NHSL2: variants seen among roughly 807,000 people sequenced by gnomAD.
NHSL2 encodes the protein NHS like 2, also known as NHS-like protein 2.
In NHSL2, 27 loss-of-function variants were observed where a neutral mutation model predicts 53.4. The ratio of observed to expected loss-of-function variants is 0.51; its 90% confidence interval spans 0.37 to 0.70. NHSL2 has a LOEUF of 0.70. Among genes scored for constraint, NHSL2 ranks in the 30% least tolerant of loss-of-function variants. NHSL2 has a pLI of 0.00. For missense variants in NHSL2, 892 were observed against 980.1 expected, an observed-to-expected ratio of 0.91 and a Z score of 1.20; for synonymous variants, 408 against 404.1, an observed-to-expected ratio of 1.01 and a Z score of -0.12.
intron 1 of NHSL2, among the ~76,000 whole-genome samples, chrX:72,058,534 G>C (rs766049779): frequency 9.0e-6 from 1 of 111,549 alleles, no homozygotes; most frequent in Non-Finnish European, 1.9e-5. Context: ...TCATAGAGAC[G>C]GGGTTTCCCC....
chrX:72,138,985 T>C lies in NHSL2; in HGVS notation c.1437T>C (p.Ser479=), dbSNP rs772623636. The change falls in exon 6 of 8, where the codon AGT becomes AGC. Residue 479 remains serine (S), a synonymous_variant. Coordinates refer to ENST00000633930, the MANE Select transcript of NHSL2 (RefSeq NM_001013627.3). ...CCTCCAAGATTGGCCTTCTGACCAG[T>C]GGGACCTCGAGGCTGGAGACAGGCC... The part of the protein sequence containing the change: ...ERPSKIGLLT[S]GTSRLETGPG... The C allele has an allele frequency of 3.4e-6, 4 of 1,193,003 alleles. No individual in the cohort carries two copies. In the East Asian group the frequency reaches 1.2e-4, roughly 36 times the overall value.
At chrX:72,141,635 T>C (rs145675182) in intron 6 of NHSL2, among the ~76,000 whole-genome samples, 3,129 of 112,224 alleles carry the variant, frequency 0.028, 118 homozygotes, top group African/African-American at 0.097. Flanking sequence ...AGTGGAATCA[T>C]ACAGTATTTG....
intron 1 of NHSL2, among the ~76,000 whole-genome samples, chrX:71,921,961 G>C (rs988329793): frequency 8.0e-5 from 9 of 111,936 alleles, no homozygotes; most frequent in African/African-American, 1.3e-4. Flanking sequence ...TTTTGTATTT[G>C]TATCCACAAA....
intron 1 of NHSL2, among the ~76,000 whole-genome samples, chrX:72,124,268 CG>C (rs1556367687): frequency 9.0e-6 from 1 of 110,825 alleles, no homozygotes. Flanking sequence ...CCTGGTTTCT[CG>C]GGGGCAGAAT....
chrX:71,941,560 GTAAGTGTACCTGCCTCAT>G (rs1168877428), intron 1 of NHSL2, among the ~76,000 whole-genome samples: 1 of 111,957 alleles, frequency 8.9e-6, no homozygotes, highest in Non-Finnish European at 1.9e-5. Flanking sequence ...AATGGGTTCA[GTAAGTGTACCTGCCTCAT>G]TAAGGTATTT....
chrX:72,024,101 C>T (rs1289981267), intron 1 of NHSL2, among the ~76,000 whole-genome samples: 1 of 111,849 alleles, frequency 8.9e-6, no homozygotes. Context: ...GCCACATCTG[C>T]ACAGTAAAGA....
intron 1 of NHSL2, among the ~76,000 whole-genome samples, chrX:72,043,351 TTATTAA>T (rs2042286584): frequency 1.8e-5 from 2 of 111,629 alleles, no homozygotes; most frequent in South Asian, 3.7e-4. Context: ...ATTAATGATA[TTATTAA>T]TATTAATATA....
intron 1 of NHSL2, among the ~76,000 whole-genome samples, chrX:71,954,290 C>T (rs892367691): frequency 3.6e-5 from 4 of 111,990 alleles, no homozygotes; most frequent in African/African-American, 1.3e-4. Flanking sequence ...CAGAGAAGCT[C>T]AGTAACTTGC....
intron 1 of NHSL2, among the ~76,000 whole-genome samples, chrX:72,020,573 C>A (rs2042155336): frequency 8.9e-6 from 1 of 112,351 alleles, no homozygotes; most frequent in South Asian, 3.7e-4. Context: ...CTGCTTTGGT[C>A]CAGACCAGAG....
At chrX:72,024,107 A>G (rs2042173435) in intron 1 of NHSL2, among the ~76,000 whole-genome samples, 1 of 111,868 alleles carries the variant, frequency 8.9e-6, no homozygotes, top group Non-Finnish European at 1.9e-5. Flanking sequence ...TCTGCACAGT[A>G]AAGAGATGGC....
intron 1 of NHSL2, among the ~76,000 whole-genome samples, chrX:72,000,054 TA>T (rs764658848): frequency 2.8e-4 from 31 of 112,300 alleles, no homozygotes; most frequent in Non-Finnish European, 5.6e-4. Flanking sequence ...CATTCTTATA[TA>T]AGTAAATTTA....
At chrX:71,943,333 A>C (rs2041777531) in intron 1 of NHSL2, among the ~76,000 whole-genome samples, 1 of 112,027 alleles carries the variant, frequency 8.9e-6, no homozygotes, top group Non-Finnish European at 1.9e-5. Flanking sequence ...TTCACCATCC[A>C]ATTCATCTTC....
At chrX:72,083,133 C>T (rs979954892) in intron 1 of NHSL2, among the ~76,000 whole-genome samples, 5 of 111,708 alleles carry the variant, frequency 4.5e-5, no homozygotes, top group Non-Finnish European at 9.4e-5. Context: ...CTCTCTCCAG[C>T]CCCACCGTTG....
chrX:72,125,122 T>C (rs990846651), intron 1 of NHSL2, among the ~76,000 whole-genome samples: 3 of 112,180 alleles, frequency 2.7e-5, no homozygotes, highest in Non-Finnish European at 5.6e-5. Flanking sequence ...ATTTTCATTT[T>C]CACAAGCTTC....
chrX:72,020,922 G>T (rs1337850214), intron 1 of NHSL2, among the ~76,000 whole-genome samples: 1 of 112,645 alleles, frequency 8.9e-6, no homozygotes, highest in Non-Finnish European at 1.9e-5. Flanking sequence ...TCAGGTAATG[G>T]TGACATAGCT....
chrX:71,941,164 G>A (rs1774479685), intron 1 of NHSL2, among the ~76,000 whole-genome samples: 1 of 111,667 alleles, frequency 9.0e-6, no homozygotes, highest in Non-Finnish European at 1.9e-5. Context: ...TATGCTCATG[G>A]CTTCTGCCTC....
chrX:72,070,771 C>T (rs910206281), intron 1 of NHSL2, among the ~76,000 whole-genome samples: 2 of 110,264 alleles, frequency 1.8e-5, no homozygotes, highest in Non-Finnish European at 3.8e-5. Flanking sequence ...ACACACCCTT[C>T]GCATCACACA....
At chrX:72,064,697 C>T (rs1453830641) in intron 1 of NHSL2, among the ~76,000 whole-genome samples, 1 of 111,888 alleles carries the variant, frequency 8.9e-6, no homozygotes, top group Non-Finnish European at 1.9e-5. Flanking sequence ...GGGACATGGG[C>T]CCCTGAGTTG....
At chrX:72,097,450 T>G (rs926014485) in intron 1 of NHSL2, among the ~76,000 whole-genome samples, 6 of 111,832 alleles carry the variant, frequency 5.4e-5, no homozygotes, top group Admixed American at 9.5e-5. Flanking sequence ...GAGGGGAAGG[T>G]CTCTCTGTGA....
Sources: allele counts gnomAD v4.1 joint callset (sites outside exome capture counted in the v4.1 genomes callset), GRCh38; gene constraint gnomAD v4.1.1; transcripts MANE v1.5; gene names NCBI Gene and HGNC (gene_info 2026-07-23, HGNC 2026-07-21).